The following FAAH2 variants were observed in gnomAD, a reference collection of about 807,000 sequenced individuals.
The protein encoded by FAAH2 is fatty acid amide hydrolase 2.
In FAAH2, 60 loss-of-function variants were observed where a neutral mutation model predicts 36.9. The ratio of observed to expected loss-of-function variants is 1.63; its 90% CI spans 1.32 to 2.02. The LOEUF is 2.02. Among genes scored for constraint, FAAH2 ranks in the 30% most tolerant of loss-of-function variants. FAAH2 has a pLI of 0.00. For synonymous variants in FAAH2, 214 were observed against 143.8 expected, an observed-to-expected ratio of 1.49 and a Z score of -3.49; for missense variants, 689 against 397.5, an observed-to-expected ratio of 1.73 and a Z score of -6.23.
At chrX:57,332,763 C>T (rs952703383) in intron 4 of FAAH2, among the ~76,000 whole-genome samples, 4 of 111,969 alleles carry the variant, frequency 3.6e-5, no homozygotes, top group African/African-American at 1.3e-4. Context: ...TCTTCTCTTG[C>T]TTCTTGCACA....
At chrX:57,259,886 C>T in the FAAH2 span, among the ~76,000 whole-genome samples, 3 of 111,635 alleles carry the variant, frequency 2.7e-5, no homozygotes, top group Non-Finnish European at 5.7e-5. Flanking sequence ...GGACAATCTT[C>T]CTTTCTACTG....
intron 10 of FAAH2, among the ~76,000 whole-genome samples, chrX:57,466,150 CTCTCTCTA>C (rs1223645842): frequency 1.3e-5 from 1 of 75,664 alleles, no homozygotes; most frequent in African/African-American, 6.0e-5. Context: ...CTCTCTCTCT[CTCTCTCTA>C]TATATATATA....
chrX:57,480,143 C>A (rs1569374296), intron 10 of FAAH2, among the ~76,000 whole-genome samples: 3 of 111,030 alleles, frequency 2.7e-5, no homozygotes. Context: ...CAAAAAGAGT[C>A]CTGGACCAGA....
chrX:57,233,730 CCTG>C, the FAAH2 span, among the ~76,000 whole-genome samples: 1 of 112,824 alleles, frequency 8.9e-6, no homozygotes. Flanking sequence ...ACCTCCGACT[CCTG>C]GACTCAAGTG....
chrX:57,196,711 T>C, the FAAH2 span, among the ~76,000 whole-genome samples: 188 of 112,035 alleles, frequency 1.7e-3, 1 homozygote, highest in African/African-American at 5.9e-3. Flanking sequence ...ATAGCTTTTA[T>C]TAAATTGAAG....
chrX:57,426,493 T>C (rs2056166655), intron 7 of FAAH2, among the ~76,000 whole-genome samples: 1 of 111,785 alleles, frequency 8.9e-6, no homozygotes, highest in Non-Finnish European at 1.9e-5. Flanking sequence ...ATAGACCATA[T>C]TTTAGGCCAC....
At chrX:57,292,358 C>T in intron 1 of FAAH2, 140 bp from the exon 2 acceptor site, 1 of 439,614 alleles carries the variant, frequency 2.3e-6, no homozygotes, top group South Asian at 5.4e-5. Context: ...CATATTTTGC[C>T]TCATGGGGGA....
chrX:57,444,314 G>A (rs1230552721), intron 8 of FAAH2, among the ~76,000 whole-genome samples: 1 of 111,938 alleles, frequency 8.9e-6, no homozygotes, highest in Non-Finnish European at 1.9e-5. Flanking sequence ...AATGGCGGAT[G>A]CCCCTCCCCC....
intron 10 of FAAH2, among the ~76,000 whole-genome samples, chrX:57,481,019 C>A (rs1218195616): frequency 9.3e-6 from 1 of 108,036 alleles, no homozygotes; most frequent in Non-Finnish European, 1.9e-5. Flanking sequence ...ATCCTTTCTT[C>A]CACTTGATCT....
At chrX:57,350,752 G>A (rs776857466) in intron 5 of FAAH2, among the ~76,000 whole-genome samples, 5 of 110,768 alleles carry the variant, frequency 4.5e-5, no homozygotes, top group Non-Finnish European at 7.6e-5. Flanking sequence ...CAATTAAAAA[G>A]GTGATTATAT....
chrX:57,355,124 C>A (rs768706581), intron 5 of FAAH2, among the ~76,000 whole-genome samples: 1 of 110,715 alleles, frequency 9.0e-6, no homozygotes, highest in Non-Finnish European at 1.9e-5. Flanking sequence ...TTTTAAATAA[C>A]CTCCAGAGTC....
chrX:57,241,934 C>A, the FAAH2 span, among the ~76,000 whole-genome samples: 1 of 111,170 alleles, frequency 9.0e-6, no homozygotes, highest in African/African-American at 3.3e-5. Flanking sequence ...AAGGCAACAG[C>A]CCCAGTCAGA....
the FAAH2 span, among the ~76,000 whole-genome samples, chrX:57,279,955 A>G: frequency 9.0e-6 from 1 of 111,562 alleles, no homozygotes; most frequent in African/African-American, 3.3e-5. Context: ...CTCTCTGACC[A>G]CTCCTATTTT....
At chrX:57,134,648 A>T in the FAAH2 span, 1 of 111,223 alleles carries the variant, frequency 9.0e-6, no homozygotes, top group Admixed American at 9.5e-5. Flanking sequence ...GTAAGATTTC[A>T]TTTTTTCTGG....
At chrX:57,411,300 C>T (rs938492704) in intron 7 of FAAH2, among the ~76,000 whole-genome samples, 17 of 111,938 alleles carry the variant, frequency 1.5e-4, no homozygotes, top group African/African-American at 5.2e-4. Flanking sequence ...TATATGCCCT[C>T]TCTCAATCCA....
chrX:57,368,601 A>C (rs2054477287), intron 5 of FAAH2, among the ~76,000 whole-genome samples: 1 of 111,991 alleles, frequency 8.9e-6, no homozygotes, highest in Admixed American at 9.4e-5. Flanking sequence ...ATGCTCACAA[A>C]GGCATTGCTG....
chrX:57,205,908 T>G, the FAAH2 span, among the ~76,000 whole-genome samples: 3 of 111,714 alleles, frequency 2.7e-5, no homozygotes, highest in Non-Finnish European at 3.8e-5. Flanking sequence ...TCCATGTAAT[T>G]TAACAATCCG....
At chrX:57,153,599 C>T in the FAAH2 span, among the ~76,000 whole-genome samples, 6 of 112,140 alleles carry the variant, frequency 5.4e-5, no homozygotes, top group African/African-American at 1.6e-4. Flanking sequence ...CTAAAAAACA[C>T]TGTGTCTTTT....
At chrX:57,174,146 A>G in the FAAH2 span, among the ~76,000 whole-genome samples, 1 of 111,334 alleles carries the variant, frequency 9.0e-6, no homozygotes, top group East Asian at 2.8e-4. Flanking sequence ...TGGAATTGAT[A>G]CCAACTATTC....
Sources: allele counts gnomAD v4.1 joint callset (sites outside exome capture counted in the v4.1 genomes callset), GRCh38; gene constraint gnomAD v4.1.1; transcripts MANE v1.5; gene names NCBI Gene and HGNC (gene_info 2026-07-23, HGNC 2026-07-21).